The following SLC13A4 variants were observed in gnomAD, a reference collection of about 807,000 sequenced individuals.
The protein encoded by SLC13A4 is Na(+)/sulfate cotransporter SUT-1.
Under a neutral mutation model 72.7 loss-of-function variants are expected in SLC13A4, and 28 were observed. The observed-to-expected ratio is 0.39, with a 90% CI of 0.29 to 0.53. SLC13A4 has a LOEUF of 0.53. Among genes scored for constraint, SLC13A4 ranks in the 20% least tolerant of loss-of-function variants. The pLI is 0.78. For synonymous variants in SLC13A4, 312 were observed against 325.5 expected, an observed-to-expected ratio of 0.96 and a Z score of 0.45; for missense variants, 653 against 788.0, an observed-to-expected ratio of 0.83 and a Z score of 2.05.
chr7:135,683,280 G>A (rs1327121601), intron 15 of SLC13A4: 3 of 735,172 alleles, frequency 4.1e-6, no homozygotes, highest in South Asian at 6.6e-5. Context: ...GCCTGGGTGA[G>A]AGTGAGATTC....
intron 10 of SLC13A4, among the ~76,000 whole-genome samples, chr7:135,693,774 G>A (rs557622380): frequency 1.2e-4 from 19 of 152,244 alleles, no homozygotes; most frequent in African/African-American, 4.3e-4. Flanking sequence ...AGTGATAACC[G>A]CACCACTGTG....
Position 135,721,541 on chromosome 7 carries a change from G to A in SLC13A4, c.100-18C>T. ...GAGGCCTCCTGCAAGGCAAGGAAAG[G>A]GGCCGTCATTCACAGGAATAGTCAC... On this transcript the variant is annotated intron_variant, in intron 1 of 15. Coordinates refer to ENST00000682651, the MANE Select transcript of SLC13A4 (RefSeq NM_001318192.2). The A allele has an allele frequency of 1.2e-6, 2 of 1,613,382 alleles. No homozygotes were observed. Among genetic ancestry groups the A allele is most frequent in the South Asian group, 2.2e-5 (2 of 91,026 alleles).
Position 135,698,495 on chromosome 7 carries a change from T to C in SLC13A4, c.899+869A>G, listed in dbSNP as rs529017285. ...GATTACAGGCGCCTGCCACCATGGC[T>C]GGTTAACTTTTGTATTTTTAGTAGA... On this transcript the variant is annotated intron_variant, in intron 8 of 15. Transcript: ENST00000682651. Among the ~76,000 whole-genome samples, 13 of 146,394 alleles carry C rather than the reference T, an allele frequency of 8.9e-5. 1 individual carries two copies. The East Asian group carries it at 2.0e-3, about 23-fold the overall frequency.
chr7:135,719,803 ATG>A (rs113694819), intron 2 of SLC13A4, among the ~76,000 whole-genome samples: 3,644 of 104,424 alleles, frequency 0.035, 52 homozygotes, highest in Non-Finnish European at 0.044. Context: ...GTGTGTGTGT[ATG>A]TGTGTGTGTG....
intron 3 of SLC13A4, 85 bp downstream of exon 3, chr7:135,708,029 C>T: frequency 6.6e-7 from 1 of 1,521,226 alleles, no homozygotes; most frequent in Non-Finnish European, 9.0e-7. Flanking sequence ...AGTGGACATC[C>T]CGCAGTGACC....
intron 2 of SLC13A4, among the ~76,000 whole-genome samples, chr7:135,711,413 C>G (rs1796298003): frequency 6.6e-6 from 1 of 152,212 alleles, no homozygotes; most frequent in Non-Finnish European, 1.5e-5. Flanking sequence ...CTGGGTTCCA[C>G]TTGGAGGCAG....
chr7:135,695,940 T>C (rs891932445), intron 8 of SLC13A4, among the ~76,000 whole-genome samples: 2 of 152,194 alleles, frequency 1.3e-5, no homozygotes, highest in African/African-American at 4.8e-5. Context: ...TTTTTAGATA[T>C]TAACGGTGCC....
rs768627082 is a variant in SLC13A4, at chr7:135,694,203, T to G, written c.1055A>C (p.Lys352Thr). The stretch of plus-strand genomic sequence containing the variant: ...CTCTGACAACTGTTCCCTTTTGGTC[T>G]TCTTCTTCTTGCTCAGAGAGCAGGT... ...KETCSLSKKKKTKREQLSEKR... is the reference protein window; with the variant it reads ...KETCSLSKKKTTKREQLSEKR... The change falls in exon 10 of 16, where the codon AAG becomes ACG. Residue 352 changes from lysine to threonine, a missense_variant. Physicochemically the swap from Lys to Thr is moderately conservative, Grantham distance 78. Coordinates refer to ENST00000682651, the MANE Select transcript of SLC13A4 (RefSeq NM_001318192.2). 4 of 1,605,772 alleles carry G rather than the reference T, an allele frequency of 2.5e-6. No individual in the cohort carries two copies. Among genetic ancestry groups the G allele is most frequent in the Admixed American group, 1.7e-5 (1 of 59,888 alleles).
chr7:135,722,119 C>T (rs1476680877), intron 1 of SLC13A4, among the ~76,000 whole-genome samples: 1 of 152,080 alleles, frequency 6.6e-6, no homozygotes, highest in Admixed American at 6.5e-5. Flanking sequence ...TGGCACAGGC[C>T]TGTAGTCCCA....
chr7:135,722,726 G>A (rs79487706), intron 1 of SLC13A4, among the ~76,000 whole-genome samples: 4,347 of 152,212 alleles, frequency 0.029, 77 homozygotes, highest in Non-Finnish European at 0.039. Flanking sequence ...TGAAGAACTG[G>A]TTGACCATTT....
chr7:135,719,269 A>G (rs2129495365), intron 2 of SLC13A4, among the ~76,000 whole-genome samples: 1 of 152,342 alleles, frequency 6.6e-6, no homozygotes. Context: ...GCCTGGCAAC[A>G]TCTCTACTGT....
intron 8 of SLC13A4, among the ~76,000 whole-genome samples, chr7:135,697,158 G>C (rs1022077310): frequency 6.6e-6 from 1 of 152,276 alleles, no homozygotes; most frequent in Admixed American, 6.5e-5. Context: ...CGTGACGCCT[G>C]TCTGGGCATG....
Position 135,706,308 on chromosome 7 carries a change from G to C in SLC13A4, c.366-8C>G. 4.4e-6 allele frequency: 7 copies of C among 1,597,760 alleles called. No individual in the cohort carries two copies. The highest frequency in any genetic ancestry group is 6.0e-6 in the Non-Finnish European group (7 of 1,168,690). On this transcript the variant is annotated splice_polypyrimidine_tract_variant and splice_region_variant and intron_variant, in intron 3 of 15. Transcript: ENST00000682651. ...ATGAAGCAGAGCAGCAGCCTGGAAG[G>C]CAGGGAGGGTTGGGGCAGAGCGTCC...
At chr7:135,721,580 C>A in intron 1 of SLC13A4, 57 bp from the exon 2 acceptor site, 1 of 1,601,828 alleles carries the variant, frequency 6.2e-7, no homozygotes, top group South Asian at 1.1e-5. Context: ...CACTGAGCGT[C>A]CGGATGCAAC....
intron 1 of SLC13A4, among the ~76,000 whole-genome samples, chr7:135,727,010 C>A (rs1796676053): frequency 6.6e-6 from 1 of 152,190 alleles, no homozygotes; most frequent in South Asian, 2.1e-4. Context: ...TCTCCAGGGG[C>A]TCTCAGATAA....
chr7:135,721,667 A>C, intron 1 of SLC13A4, 144 bp from the exon 2 acceptor site: 1 of 980,642 alleles, frequency 1.0e-6, no homozygotes, highest in Non-Finnish European at 1.5e-6. Context: ...CCGAACTGGC[A>C]GGCGAGCATG....
intron 1 of SLC13A4, among the ~76,000 whole-genome samples, chr7:135,722,696 A>C (rs968465178): frequency 2.0e-5 from 3 of 152,206 alleles, no homozygotes; most frequent in African/African-American, 7.2e-5. Context: ...AATTTTAATC[A>C]AATAAATTAT....
intron 15 of SLC13A4, 90 bp downstream of exon 15, chr7:135,684,034 T>C (rs1795564466): frequency 7.0e-7 from 1 of 1,428,926 alleles, no homozygotes; most frequent in Admixed American, 2.2e-5. Context: ...GGGACACTGC[T>C]ACAAAATAAG....
chr7:135,693,457 A>T (rs1297018626), intron 10 of SLC13A4: 1 of 86,956 alleles, frequency 1.2e-5, no homozygotes, highest in Non-Finnish European at 2.2e-5. Flanking sequence ...CTAAGAATCC[A>T]GTCAATTTTG....
Sources: gnomAD v4.1 joint callset for allele counts (sites outside exome capture counted in the v4.1 genomes callset) on GRCh38, gnomAD v4.1.1 for gene constraint, MANE v1.5 for transcripts, NCBI Gene and HGNC (gene_info 2026-07-23, HGNC 2026-07-21) for gene names.